ZNF77: variants seen among roughly 807,000 people sequenced by gnomAD.
The protein encoded by ZNF77 is zinc finger protein 77.
In ZNF77, 15 loss-of-function variants were observed where a neutral mutation model predicts 13.5. The ratio of observed to expected loss-of-function variants is 1.11; its 90% CI spans 0.74 to 1.71. ZNF77 has a LOEUF of 1.71. Ranked by LOEUF, ZNF77 falls within the 40% of genes most tolerant of loss-of-function variation. The pLI is 0.00. For missense variants in ZNF77, 717 were observed against 676.4 expected, an observed-to-expected ratio of 1.06 and a Z score of -0.67; for synonymous variants, 282 against 250.0, an observed-to-expected ratio of 1.13 and a Z score of -1.21.
Position 2,933,416 on chromosome 19 carries a change from TAAATAACGTTTCTC to T in ZNF77, c.*59_*72del, listed in dbSNP as rs1289266094. The T allele has an allele frequency of 1.3e-6, 2 of 1,493,112 alleles. No homozygotes were observed. The allele number at this position is 1,493,112 out of a possible 1,614,324, so 92.5% of individuals were successfully genotyped here. A position where few individuals can be genotyped will look rare whatever the true frequency, so the allele number is the denominator to read the frequency against. On this transcript the variant is annotated 3_prime_UTR_variant, in exon 4 of 4. Coordinates refer to ENST00000314531, the MANE Select transcript of ZNF77 (RefSeq NM_021217.3). ...ACCAGGTTTTCCTACATGCTCTACA[TAAATAACGTTTCTC>T]ACATTTACAACAAGGTTTTACGGTT...
At position 2,934,002 on chromosome 19, in the gene ZNF77, G is replaced by C; in HGVS notation, c.1125C>G (p.Thr375=). The change falls in exon 4 of 4, where the codon ACC becomes ACG. Residue 375 remains threonine, a synonymous_variant. Coordinates refer to ENST00000314531, the MANE Select transcript of ZNF77 (RefSeq NM_021217.3). Reference sequence around the variant, plus strand: ...GCTTGCACACATAGGGCTTCTCTCCGGTGTGCATTCTCATGTGTGCTCGCA... The same window carrying C: ...GCTTGCACACATAGGGCTTCTCTCCCGTGTGCATTCTCATGTGTGCTCGCA... ...SSLRAHMRMH[T]GEKPYVCKQC... The C allele has an allele frequency of 6.2e-7, 1 of 1,614,052 alleles. No homozygotes were observed. The highest frequency in any genetic ancestry group is 8.5e-7 in the Non-Finnish European group (1 of 1,180,022).
At chr19:2,938,784 A>G (rs202216837) in intron 2 of ZNF77, among the ~76,000 whole-genome samples, 4,558 of 151,856 alleles carry the variant, frequency 0.03, 92 homozygotes, top group Middle Eastern at 0.13. Context: ...GTGAAACCCC[A>G]TCTCTACTAA....
At chr19:2,934,896 G>T in intron 3 of ZNF77, 81 bp from the exon 4 acceptor site, 3 of 1,494,084 alleles carry the variant, frequency 2.0e-6, no homozygotes, top group Non-Finnish European at 2.7e-6. Flanking sequence ...TGATTATTTT[G>T]ATTACATTAT....
chr19:2,941,904 C>T (rs1425701918), intron 1 of ZNF77, among the ~76,000 whole-genome samples: 3 of 152,102 alleles, frequency 2.0e-5, no homozygotes, highest in Non-Finnish European at 4.4e-5. Flanking sequence ...TGCGCCTTTC[C>T]CCTCATCCTA....
At position 2,934,175 on chromosome 19, in the gene ZNF77, G is replaced by A. The variant is rs371432834; in HGVS notation, c.952C>T (p.His318Tyr). 186 of 1,614,068 alleles carry A rather than the reference G, an allele frequency of 1.2e-4. No homozygotes were observed. Among genetic ancestry groups the A allele is most frequent in the Non-Finnish European group, 2.6e-5 (31 of 1,180,026 alleles). Reference protein sequence around the residue: ...YSSFRDHVRTHTGEKPCQCKH... With the variant: ...YSSFRDHVRTYTGEKPCQCKH... Reference sequence around the variant, plus strand: ...CACTGACAGGGTTTCTCTCCAGTGTGCGTCCTCACGTGATCTCTAAAGGAG... The same window carrying A: ...CACTGACAGGGTTTCTCTCCAGTGTACGTCCTCACGTGATCTCTAAAGGAG... The change falls in exon 4 of 4, where the codon CAC becomes TAC. Residue 318 changes from histidine (H) to tyrosine (Y), a missense_variant. By Grantham distance (83) the His-to-Tyr change is moderately conservative. Transcript: ENST00000314531.
At chr19:2,934,948 C>T (rs1273601382) in intron 3 of ZNF77, 133 bp from the exon 4 acceptor site, 1 of 1,202,038 alleles carries the variant, frequency 8.3e-7, no homozygotes, top group Non-Finnish European at 1.1e-6. Context: ...GCACTGTCTG[C>T]CTGGTTTCTA....
intron 3 of ZNF77, among the ~76,000 whole-genome samples, chr19:2,936,095 AAAAT>A (rs1205003535): frequency 3.8e-5 from 1 of 26,186 alleles, no homozygotes; most frequent in Non-Finnish European, 1.4e-4. Context: ...TTAAAAAGAG[AAAAT>A]AAAGAAAAAG....
chr19:2,937,378 G>A (rs1450065767), intron 2 of ZNF77, among the ~76,000 whole-genome samples: 3 of 151,950 alleles, frequency 2.0e-5, no homozygotes, highest in African/African-American at 4.8e-5. Context: ...CCAGCTACTC[G>A]GGAGGCTGAG....
chr19:2,944,627 C>A (rs959422821), intron 1 of ZNF77, among the ~76,000 whole-genome samples: 4 of 151,346 alleles, frequency 2.6e-5, no homozygotes, highest in Admixed American at 2.0e-4. Context: ...CCAGAAACTA[C>A]CCCTCGAGCC....
rs1178713300 is a variant in ZNF77 at position 2,938,962 on chromosome 19, AT to A, written c.130+318del. On this transcript the variant is annotated intron_variant, in intron 2 of 3. Coordinates refer to ENST00000314531, the MANE Select transcript of ZNF77 (RefSeq NM_021217.3). ...GAGAGCAAGACTCCGTCTCAAAAAAATAAAAAAAAAAAAAAAGAAAACCAAG... is the reference window on the plus strand; with the variant it reads ...GAGAGCAAGACTCCGTCTCAAAAAAAAAAAAAAAAAAAAAAGAAAACCAAG... 3.5e-3 allele frequency among the ~76,000 whole-genome samples: 478 copies of A among 136,410 alleles called. 6 individuals carry two copies. The highest frequency in any genetic ancestry group is 0.012 in the African/African-American group (456 of 38,330). 89.5% of individuals were successfully genotyped at this position (136,410 alleles called of 152,430 possible). A position where few individuals can be genotyped will look rare whatever the true frequency, so the allele number is the denominator to read the frequency against.
In ZNF77 at chr19:2,944,920, G is replaced by C. The variant is rs2088483076; in HGVS notation, c.-80C>G. 2 of 1,474,084 alleles carry C rather than the reference G, an allele frequency of 1.4e-6. No individual in the cohort carries two copies. Among genetic ancestry groups the C allele is most frequent in the Non-Finnish European group, 9.0e-7 (1 of 1,116,840 alleles). 91.3% of individuals were successfully genotyped at this position (1,474,084 alleles called of 1,614,324 possible). A position where few individuals can be genotyped will look rare whatever the true frequency, so the allele number is the denominator to read the frequency against. On this transcript the variant is annotated 5_prime_UTR_variant, in exon 1 of 4. Coordinates refer to ENST00000314531, the MANE Select transcript of ZNF77 (RefSeq NM_021217.3). ...CGCAGGTGAGCACGACAGGACACCT[G>C]AGCCGCTCGGGGTAGGCGGGGAAGC...
At chr19:2,938,887 C>T (rs1026771160) in intron 2 of ZNF77, among the ~76,000 whole-genome samples, 18 of 151,100 alleles carry the variant, frequency 1.2e-4, no homozygotes, top group South Asian at 4.2e-4. Flanking sequence ...ACCCGGGAGG[C>T]GGAGCTTGCA....
chr19:2,941,801 C>T (rs769683361), intron 1 of ZNF77, among the ~76,000 whole-genome samples: 1 of 152,188 alleles, frequency 6.6e-6, no homozygotes, highest in Non-Finnish European at 1.5e-5. Flanking sequence ...CCCACTGTCA[C>T]AAACTCTGCA....
intron 3 of ZNF77, among the ~76,000 whole-genome samples, chr19:2,935,531 A>G (rs2088389009): frequency 7.4e-6 from 1 of 134,326 alleles, no homozygotes. Context: ...GGGTTTCTCC[A>G]TGTTGGTCAG....
rs1599615211 is a variant in ZNF77 at position 2,933,330 on chromosome 19, T to C, written c.*159A>G. ...TGAGGCATGTAAAGGCAATACCATATTAATCATAATTAAGAGATTTCTCTC... is the reference window on the plus strand; with the variant it reads ...TGAGGCATGTAAAGGCAATACCATACTAATCATAATTAAGAGATTTCTCTC... On this transcript the variant is annotated 3_prime_UTR_variant, in exon 4 of 4. Coordinates refer to ENST00000314531, the MANE Select transcript of ZNF77 (RefSeq NM_021217.3). The C allele has an allele frequency of 3.8e-6, 3 of 783,858 alleles. No homozygotes were observed. The highest frequency in any genetic ancestry group is 5.8e-6 in the Non-Finnish European group (3 of 518,106). 48.6% of individuals were successfully genotyped at this position (783,858 alleles called of 1,614,324 possible). A position where few individuals can be genotyped will look rare whatever the true frequency, so the allele number is the denominator to read the frequency against.
chr19:2,944,660 C>T (rs2088479980), intron 1 of ZNF77, among the ~76,000 whole-genome samples, 178 bp downstream of exon 1: 1 of 152,196 alleles, frequency 6.6e-6, no homozygotes, highest in African/African-American at 2.4e-5. Context: ...TGCTGTCACC[C>T]CAGACTGCCC....
rs2088360708 is a variant in ZNF77 at position 2,933,434 on chromosome 19, T to C, written c.*55A>G. The C allele has an allele frequency of 5.3e-6, 8 of 1,499,184 alleles. No individual in the cohort carries two copies. The Admixed American group carries it at 1.4e-4, about 26-fold the overall frequency. The allele number at this position is 1,499,184 out of a possible 1,614,324, so 92.9% of individuals were successfully genotyped here. On this transcript the variant is annotated 3_prime_UTR_variant, in exon 4 of 4. Transcript: ENST00000314531. ...CTCTACATAAATAACGTTTCTCACA[T>C]TTACAACAAGGTTTTACGGTTGAAC...
Position 2,935,580 on chromosome 19 carries a change from C to G in ZNF77, c.312-765G>C, listed in dbSNP as rs553291934. ...TCCCGACCTCAGGTGATCCACCTGC[C>G]TCAGCCTCCCAAAGTGCTGGGATTA... is the stretch of plus-strand genomic sequence containing the variant. On this transcript the variant is annotated intron_variant, in intron 3 of 3. Coordinates refer to ENST00000314531, the MANE Select transcript of ZNF77 (RefSeq NM_021217.3). Among the ~76,000 whole-genome samples the G allele has an allele frequency of 3.9e-5, 6 of 152,060 alleles. No homozygotes were observed. In the East Asian group the frequency reaches 1.2e-3, roughly 29 times the overall value.
Position 2,934,575 on chromosome 19 carries a change from C to G in ZNF77, c.552G>C (p.Gln184His). The change falls in exon 4 of 4, where the codon CAG becomes CAC. Residue 184 changes from glutamine (Q) to histidine (H), a missense_variant. Transcript: ENST00000314531. ...GGCAATTACAGGGTTTCTCTACAGT[C>G]TGCGTTTTCATAGGAGGGCTTTGGC... Reference protein sequence around the residue: ...LSCQSPPMKTQTVEKPCNCQD... With the variant: ...LSCQSPPMKTHTVEKPCNCQD... 6.2e-7 allele frequency: 1 copy of G among 1,614,184 alleles called. No homozygotes were observed. Among genetic ancestry groups the G allele is most frequent in the Non-Finnish European group, 8.5e-7 (1 of 1,180,020 alleles).
Sources: gnomAD v4.1 joint callset for allele counts (sites outside exome capture counted in the v4.1 genomes callset) on GRCh38, gnomAD v4.1.1 for gene constraint, MANE v1.5 for transcripts, NCBI Gene and HGNC (gene_info 2026-07-23, HGNC 2026-07-21) for gene names.